PTPRR: variants seen among roughly 807,000 people sequenced by gnomAD.
PTPRR encodes receptor-type tyrosine-protein phosphatase R.
A neutral mutation model predicts 77.2 loss-of-function variants in PTPRR; 38 were observed. The ratio of observed to expected loss-of-function variants is 0.49; its 90% CI spans 0.38 to 0.65. The LOEUF (loss-of-function observed/expected upper bound fraction) is 0.65. Ranked by LOEUF, PTPRR falls within the 30% of genes least tolerant of loss-of-function variation. PTPRR has a pLI of 0.00. For missense variants in PTPRR, 744 were observed against 799.2 expected, an observed-to-expected ratio of 0.93 and a Z score of 0.83; for synonymous variants, 299 against 283.1, an observed-to-expected ratio of 1.06 and a Z score of -0.57.
chr12:70,783,640 T>C (rs971340295), intron 2 of PTPRR, among the ~76,000 whole-genome samples: 3 of 152,004 alleles, frequency 2.0e-5, no homozygotes, highest in Admixed American at 1.3e-4. Flanking sequence ...CATGAGCTCC[T>C]GCTCTGGGTC....
chr12:70,688,418 T>A (rs537203328), intron 8 of PTPRR, among the ~76,000 whole-genome samples: 1 of 152,242 alleles, frequency 6.6e-6, no homozygotes, highest in South Asian at 2.1e-4. Context: ...AAACAAGACA[T>A]GCAAATGTCC....
chr12:70,766,445 G>A (rs1249919760), intron 2 of PTPRR, among the ~76,000 whole-genome samples: 2 of 152,136 alleles, frequency 1.3e-5, no homozygotes, highest in African/African-American at 2.4e-5. Context: ...GAAATTAAGC[G>A]AGAAGGGAAG....
At chr12:70,785,556 A>G (rs2137003505) in intron 2 of PTPRR, among the ~76,000 whole-genome samples, 1 of 152,308 alleles carries the variant, frequency 6.6e-6, no homozygotes, top group Non-Finnish European at 1.5e-5. Flanking sequence ...GAAATGGTGA[A>G]GGTCTCCACT....
At chr12:70,758,876 G>A (rs1418836077) in intron 4 of PTPRR, among the ~76,000 whole-genome samples, 1 of 152,108 alleles carries the variant, frequency 6.6e-6, no homozygotes, top group Non-Finnish European at 1.5e-5. Context: ...TTGTTTTCTT[G>A]TTTATTTATT....
intron 2 of PTPRR, among the ~76,000 whole-genome samples, chr12:70,776,045 C>T (rs1891080683): frequency 1.3e-5 from 2 of 151,960 alleles, no homozygotes; most frequent in Admixed American, 1.3e-4. Context: ...GGTCTTACAC[C>T]TGCTTCCCTC....
chr12:70,766,184 GAGA>G (rs1190289290), intron 2 of PTPRR, among the ~76,000 whole-genome samples: 1 of 152,208 alleles, frequency 6.6e-6, no homozygotes, highest in Admixed American at 6.5e-5. Context: ...GACGAGTTGA[GAGA>G]AGAAGGCTTC....
At chr12:70,820,873 C>T (rs1424913680) in intron 2 of PTPRR, among the ~76,000 whole-genome samples, 1 of 152,192 alleles carries the variant, frequency 6.6e-6, no homozygotes, top group East Asian at 1.9e-4. Flanking sequence ...TAGTAATTTA[C>T]TATTCACTGA....
intron 6 of PTPRR, among the ~76,000 whole-genome samples, chr12:70,736,113 C>T (rs1889852786): frequency 1.3e-5 from 2 of 152,146 alleles, no homozygotes; most frequent in African/African-American, 4.8e-5. Context: ...TATTCGTGTT[C>T]ACCTTCCTCT....
chr12:70,920,158 G>T (rs1893834669), intron 1 of PTPRR, among the ~76,000 whole-genome samples, 175 bp downstream of exon 1: 1 of 151,932 alleles, frequency 6.6e-6, no homozygotes, highest in Non-Finnish European at 1.5e-5. Context: ...TTAAGTTTTC[G>T]GCCTCAGTTT....
chr12:70,722,859 C>T (rs1375121827), intron 6 of PTPRR, among the ~76,000 whole-genome samples: 1 of 152,144 alleles, frequency 6.6e-6, no homozygotes, highest in Non-Finnish European at 1.5e-5. Context: ...ATTTATTGAA[C>T]AGATGTTTCA....
intron 6 of PTPRR, among the ~76,000 whole-genome samples, chr12:70,735,977 A>G (rs1307281200): frequency 1.3e-5 from 2 of 152,192 alleles, no homozygotes; most frequent in Non-Finnish European, 2.9e-5. Context: ...TGACAATCAC[A>G]CACACAATGA....
At chr12:70,662,339 C>T (rs1886826700) in intron 11 of PTPRR, among the ~76,000 whole-genome samples, 156 bp downstream of exon 11, 1 of 152,060 alleles carries the variant, frequency 6.6e-6, no homozygotes, top group Non-Finnish European at 1.5e-5. Flanking sequence ...TAGTTGACAA[C>T]AAAAAATACA....
Position 70,684,361 on chromosome 12 carries a change from A to T in PTPRR, c.1360-97T>A. 2.3e-6 allele frequency: 3 copies of T among 1,294,638 alleles called. No homozygotes were observed. In the East Asian group the frequency reaches 7.0e-5, roughly 30 times the overall value. The allele number at this position is 1,294,638 out of a possible 1,614,324, so 80.2% of individuals were successfully genotyped here. A position where few individuals can be genotyped will look rare whatever the true frequency, so the allele number is the denominator to read the frequency against. On this transcript the variant is annotated intron_variant, in intron 9 of 13. Coordinates refer to ENST00000283228, the MANE Select transcript of PTPRR (RefSeq NM_002849.4). Reference sequence around the variant, plus strand: ...TCTTCAACGAAATAGCTGGGCTAGTACAAAAGCAACACAGGTTACGGCTTC... The same window carrying T: ...TCTTCAACGAAATAGCTGGGCTAGTTCAAAAGCAACACAGGTTACGGCTTC...
chr12:70,649,373 T>C (rs1592633293), intron 13 of PTPRR, among the ~76,000 whole-genome samples: 1 of 151,918 alleles, frequency 6.6e-6, no homozygotes, highest in African/African-American at 2.4e-5. Context: ...TGGAGAGGGG[T>C]AGATTATAAG....
intron 1 of PTPRR, among the ~76,000 whole-genome samples, chr12:70,909,044 T>C (rs1209991657): frequency 1.3e-5 from 2 of 152,106 alleles, no homozygotes; most frequent in African/African-American, 2.4e-5. Context: ...AGAAACATAG[T>C]TCCCAAGTGT....
At chr12:70,687,305 A>G (rs1446883332) in intron 8 of PTPRR, among the ~76,000 whole-genome samples, 2 of 11,424 alleles carry the variant, frequency 1.8e-4, no homozygotes, top group African/African-American at 2.6e-4. Flanking sequence ...GATATTTGAA[A>G]TAAAGATATT....
chr12:70,704,350 C>T (rs761092715), intron 6 of PTPRR, among the ~76,000 whole-genome samples: 5 of 151,698 alleles, frequency 3.3e-5, no homozygotes, highest in African/African-American at 9.7e-5. Flanking sequence ...CCCAGGAGTT[C>T]GAGGCTGCAG....
intron 10 of PTPRR, among the ~76,000 whole-genome samples, chr12:70,662,891 AC>A (rs1886848099): frequency 6.6e-6 from 1 of 152,018 alleles, no homozygotes; most frequent in Non-Finnish European, 1.5e-5. Context: ...AGGCAGAATT[AC>A]CCAAAACTCC....
chr12:70,739,683 C>T (rs915550839), intron 6 of PTPRR, among the ~76,000 whole-genome samples: 2 of 152,124 alleles, frequency 1.3e-5, no homozygotes, highest in Non-Finnish European at 2.9e-5. Flanking sequence ...AATGATTGTT[C>T]AATTAAAGTC....
Sources: gnomAD v4.1 joint callset for allele counts (sites outside exome capture counted in the v4.1 genomes callset) on GRCh38, gnomAD v4.1.1 for gene constraint, MANE v1.5 for transcripts, NCBI Gene and HGNC (gene_info 2026-07-23, HGNC 2026-07-21) for gene names.